KIF26A: variants seen among roughly 807,000 people sequenced by gnomAD.
The protein encoded by KIF26A is kinesin-like protein KIF26A.
A neutral mutation model predicts 126.0 loss-of-function variants in KIF26A; 74 were observed. The observed-to-expected ratio is 0.59, with a 90% CI of 0.49 to 0.71. The LOEUF (loss-of-function observed/expected upper bound fraction) is 0.71. KIF26A is among the 30% of genes least tolerant of loss of function. The pLI is 0.00. For synonymous variants in KIF26A, 1,445 were observed against 1,232.7 expected, an observed-to-expected ratio of 1.17 and a Z score of -3.61; for missense variants, 2,984 against 2,763.3, an observed-to-expected ratio of 1.08 and a Z score of -1.79.
In KIF26A at chr14:104,179,817, G is replaced by T. The variant is rs1566868261; in HGVS notation, c.*27G>T. On this transcript the variant is annotated 3_prime_UTR_variant, in exon 15 of 15. Transcript: ENST00000423312. ...GCTGGGCGCCGGACAAGAGGAGGGG[G>T]CGTGCAGCGGGCTGGAGGACGGGAC... The T allele has an allele frequency of 4.0e-6, 6 of 1,498,248 alleles. No individual in the cohort carries two copies. The highest frequency in any genetic ancestry group is 2.0e-4 in the Middle Eastern group (1 of 5,066). 92.8% of individuals were successfully genotyped at this position (1,498,248 alleles called of 1,614,324 possible). A position where few individuals can be genotyped will look rare whatever the true frequency, so the allele number is the denominator to read the frequency against.
In KIF26A at chr14:104,175,537, G is replaced by A. The variant is rs754306161; in HGVS notation, c.2749G>A (p.Ala917Thr). The change falls in exon 12 of 15, where the codon GCC becomes ACC. Residue 917 changes from alanine (A) to threonine (T), a missense_variant. By Grantham distance (58) the Ala-to-Thr change is moderately conservative. Transcript: ENST00000423312. ...CCAGGGTACCCCTGAGCCCTGCAAG[G>A]CCATTGTCTGGGGTGACCAGAGAGA... ...THQGTPEPCK[A>T]IVWGDQREDS... is the part of the protein sequence containing the mutation. 3 of 1,602,376 alleles carry A rather than the reference G, an allele frequency of 1.9e-6. No homozygotes were observed. Among genetic ancestry groups the A allele is most frequent in the Admixed American group, 3.3e-5 (2 of 59,908 alleles).
intron 5 of KIF26A, among the ~76,000 whole-genome samples, chr14:104,168,625 C>G (rs2058840266): frequency 6.6e-6 from 1 of 152,218 alleles, no homozygotes; most frequent in South Asian, 2.1e-4. Context: ...CTCCCTGACT[C>G]TGGGTCTCCA....
intron 2 of KIF26A, among the ~76,000 whole-genome samples, chr14:104,142,150 CTG>C (rs995243689): frequency 2.0e-5 from 3 of 152,150 alleles, no homozygotes; most frequent in Admixed American, 2.0e-4. Context: ...ATGGATAAGA[CTG>C]TGCCCTCCCC....
intron 6 of KIF26A, among the ~76,000 whole-genome samples, chr14:104,172,333 CT>C (rs1294415626): frequency 6.6e-6 from 1 of 152,270 alleles, no homozygotes; most frequent in Non-Finnish European, 1.5e-5. Flanking sequence ...GGCTGGACTT[CT>C]GGGCTTTGCG....
intron 2 of KIF26A, among the ~76,000 whole-genome samples, chr14:104,139,687 GC>G (rs943186577): frequency 1.3e-5 from 2 of 152,204 alleles, no homozygotes; most frequent in African/African-American, 4.8e-5. Flanking sequence ...GGGCACCTGG[GC>G]CCCCAGCCAG....
Position 104,171,853 on chromosome 14 carries a change from G to T in KIF26A, c.1244G>T (p.Ser415Ile), listed in dbSNP as rs1227577649. The change falls in exon 6 of 15, where the codon AGC becomes ATC. Residue 415 changes from serine to isoleucine, a missense_variant. By Grantham distance (142) the Ser-to-Ile change is moderately radical. Coordinates refer to ENST00000423312, the MANE Select transcript of KIF26A (RefSeq NM_015656.2). Reference sequence around the variant, plus strand: ...GATCCCGCCGCCGGTCCCCCAGGCAGCGCAGGCCCCCGGCGAGCCGCCACT... The same window carrying T: ...GATCCCGCCGCCGGTCCCCCAGGCATCGCAGGCCCCCGGCGAGCCGCCACT... The part of the protein sequence containing the change: ...LYDPAAGPPG[S>I]AGPRRAATAA... 2.6e-6 allele frequency: 4 copies of T among 1,555,140 alleles called. No homozygotes were observed. In the African/African-American group the frequency reaches 5.5e-5, roughly 21 times the overall value.
intron 4 of KIF26A, among the ~76,000 whole-genome samples, chr14:104,164,053 C>T (rs992332501): frequency 6.6e-6 from 1 of 152,196 alleles, no homozygotes; most frequent in Non-Finnish European, 1.5e-5. Flanking sequence ...CACGATGACA[C>T]CTCACTAGGA....
In KIF26A at chr14:104,177,698, T is replaced by C; in HGVS notation, c.4910T>C (p.Leu1637Pro). 6.5e-7 allele frequency: 1 copy of C among 1,531,952 alleles called. No homozygotes were observed. 94.9% of individuals were successfully genotyped at this position (1,531,952 alleles called of 1,614,324 possible). Residue 1637 changes from leucine (L) to proline (P), a missense_variant, in exon 12 of 15, where the codon CTG becomes CCG. Coordinates refer to ENST00000423312, the MANE Select transcript of KIF26A (RefSeq NM_015656.2). Reference protein sequence around the residue: ...SGHGSDNSSVLSGELPPAMGR... With the variant: ...SGHGSDNSSVPSGELPPAMGR... ...CATGGCAGCGACAACAGCAGCGTGC[T>C]GAGTGGAGAGCTGCCGCCCGCCATG... is the stretch of plus-strand genomic sequence containing the variant.
chr14:104,177,419 T>C lies in KIF26A; in HGVS notation c.4631T>C (p.Val1544Ala). ...GCAGCCCCACGGGCCGGGCCCAGTG[T>C]CGGGGCGAAGGCTGGCCGGGGTACC... is the stretch of plus-strand genomic sequence containing the variant. Reference protein sequence around the residue: ...PRAAPRAGPSVGAKAGRGTVM... With the variant: ...PRAAPRAGPSAGAKAGRGTVM... The change falls in exon 12 of 15, where the codon GTC becomes GCC. Residue 1544 changes from valine to alanine, a missense_variant. Coordinates refer to ENST00000423312, the MANE Select transcript of KIF26A (RefSeq NM_015656.2). 1 of 1,507,666 alleles carries C rather than the reference T, an allele frequency of 6.6e-7. No individual in the cohort carries two copies. Among genetic ancestry groups the C allele is most frequent in the Non-Finnish European group, 8.8e-7 (1 of 1,132,106 alleles). 93.4% of individuals were successfully genotyped at this position (1,507,666 alleles called of 1,614,324 possible). A position where few individuals can be genotyped will look rare whatever the true frequency, so the allele number is the denominator to read the frequency against.
chr14:104,178,735 C>A lies in KIF26A; in HGVS notation c.5296C>A (p.Pro1766Thr). The A allele has an allele frequency of 6.5e-7, 1 of 1,540,144 alleles. No homozygotes were observed. Among genetic ancestry groups the A allele is most frequent in the Non-Finnish European group, 8.8e-7 (1 of 1,138,422 alleles). Reference protein sequence around the residue: ...VERLQRPRPTPREAPTQGLAC... With the variant: ...VERLQRPRPTTREAPTQGLAC... ...GCGCCTTCAGCGGCCCCGCCCCACC[C>A]CGAGGGAGGCCCCCACCCAGGTAGG... The change falls in exon 13 of 15, where the codon CCG becomes ACG. Residue 1766 changes from proline to threonine, a missense_variant. By Grantham distance (38) the Pro-to-Thr change is conservative (BLOSUM62 -1). Coordinates refer to ENST00000423312, the MANE Select transcript of KIF26A (RefSeq NM_015656.2).
chr14:104,161,435 C>G (rs1450183507), intron 4 of KIF26A, among the ~76,000 whole-genome samples: 1 of 152,190 alleles, frequency 6.6e-6, no homozygotes, highest in Non-Finnish European at 1.5e-5. Context: ...TAATTAAGGG[C>G]CTCACCATCA....
intron 4 of KIF26A, among the ~76,000 whole-genome samples, chr14:104,164,911 C>G (rs2037869228): frequency 6.6e-6 from 1 of 150,642 alleles, no homozygotes. Flanking sequence ...CTTTATGTGT[C>G]TGTCTCTGTG....
rs373715509 is a variant in KIF26A at position 104,165,433 on chromosome 14, C to G, written c.924-1426C>G. Among the ~76,000 whole-genome samples, 187 of 68,132 alleles carry G rather than the reference C, an allele frequency of 2.7e-3. 2 individuals are homozygous for G. Among genetic ancestry groups the G allele is most frequent in the Middle Eastern group, 0.022 (3 of 138 alleles). The allele number at this position is 68,132 out of a possible 152,430, so 44.7% of individuals were successfully genotyped here. A position where few individuals can be genotyped will look rare whatever the true frequency, so the allele number is the denominator to read the frequency against. On this transcript the variant is annotated intron_variant, in intron 4 of 14. Coordinates refer to ENST00000423312, the MANE Select transcript of KIF26A (RefSeq NM_015656.2). ...TGTGTGTCTCTGTATGCGTGTGTGT[C>G]TGTCTCTGTGTGTGTTTCTGTATGC...
intron 6 of KIF26A, among the ~76,000 whole-genome samples, 189 bp downstream of exon 6, chr14:104,172,124 T>A (rs117922371): frequency 6.6e-6 from 1 of 152,192 alleles, no homozygotes; most frequent in Admixed American, 6.5e-5. Flanking sequence ...GGTGTCTCCA[T>A]CCGCCCCTGC....
In KIF26A at chr14:104,159,717, C is replaced by T. The variant is rs546019381; in HGVS notation, c.923+1775C>T. Among the ~76,000 whole-genome samples the T allele has an allele frequency of 6.4e-4, 98 of 152,334 alleles. No individual in the cohort carries two copies. In the South Asian group the frequency reaches 8.9e-3, roughly 14 times the overall value. ...GCCTGTTAGGCACCCTGGGTCTCAG[C>T]GGCTTCTGCGAGGCCACTGCAGGTG... On this transcript the variant is annotated intron_variant, in intron 4 of 14. Transcript: ENST00000423312.
rs1369377474 is a variant in KIF26A at position 104,179,879 on chromosome 14, G to A, written c.*89G>A. The stretch of plus-strand genomic sequence containing the variant: ...CGAGGATGTGGTGGGGGCTGCGGGG[G>A]GAGGATGCGGAGGGGTTTCTGTGCA... On this transcript the variant is annotated 3_prime_UTR_variant, in exon 15 of 15. Transcript: ENST00000423312. The A allele has an allele frequency of 7.8e-7, 1 of 1,286,366 alleles. No individual in the cohort carries two copies. Among genetic ancestry groups the A allele is most frequent in the South Asian group, 1.5e-5 (1 of 66,220 alleles). 79.7% of individuals were successfully genotyped at this position (1,286,366 alleles called of 1,614,324 possible). A position where few individuals can be genotyped will look rare whatever the true frequency, so the allele number is the denominator to read the frequency against.
intron 5 of KIF26A, among the ~76,000 whole-genome samples, chr14:104,169,258 C>T (rs1055887568): frequency 2.0e-5 from 3 of 152,204 alleles, no homozygotes; most frequent in South Asian, 2.1e-4. Flanking sequence ...AGCCTGGGAT[C>T]GGGGCCCTGG....
Position 104,166,861 on chromosome 14 carries a change from C to T in KIF26A, c.926C>T (p.Ala309Val). The change falls in exon 5 of 15, where the codon GCT (alanine) becomes GTT (valine). Residue 309 changes from alanine to valine, a missense_variant and splice_region_variant. Physicochemically the swap from Ala to Val is moderately conservative, Grantham distance 64. Coordinates refer to ENST00000423312, the MANE Select transcript of KIF26A (RefSeq NM_015656.2). ...CTGCCTCTGCCTCTCCTCCCCAGGG[C>T]TATGCAGAAGCTCAGCCTGGCCTCC... ...PSAAASFFIR[A>V]MQKLSLASKR... 1 of 1,571,306 alleles carries T rather than the reference C, an allele frequency of 6.4e-7. No individual in the cohort carries two copies.
Position 104,172,972 on chromosome 14 carries a change from C to G in KIF26A, c.1421-5C>G. 9 of 1,584,606 alleles carry G rather than the reference C, an allele frequency of 5.7e-6. No individual in the cohort carries two copies. Among genetic ancestry groups the G allele is most frequent in the Non-Finnish European group, 7.7e-6 (9 of 1,162,248 alleles). ...GGTGGGGCCTGACGCCTGCGTGGCC[C>G]CCAGGCAAGTCGTACACCATGATCG... On this transcript the variant is annotated splice_region_variant and splice_polypyrimidine_tract_variant and intron_variant, in intron 7 of 14. Transcript: ENST00000423312.
Sources: gnomAD v4.1 joint callset for allele counts (sites outside exome capture counted in the v4.1 genomes callset) on GRCh38, gnomAD v4.1.1 for gene constraint, MANE v1.5 for transcripts, NCBI Gene and HGNC (gene_info 2026-07-23, HGNC 2026-07-21) for gene names.